OFD1: variants seen among roughly 807,000 people sequenced by gnomAD.
OFD1 encodes centriole and centriolar satellite protein OFD1.
In OFD1, 12 loss-of-function variants were observed where a neutral mutation model predicts 81.4. The ratio of observed to expected loss-of-function variants is 0.15; its 90% CI spans 0.09 to 0.24. The LOEUF is 0.24. Among genes scored for constraint, OFD1 ranks in the 10% least tolerant of loss-of-function variants. OFD1 has a pLI of 1.00. For synonymous variants in OFD1, 256 were observed against 263.7 expected, an observed-to-expected ratio of 0.97 and a Z score of 0.28; for missense variants, 685 against 733.9, an observed-to-expected ratio of 0.93 and a Z score of 0.77.
the OFD1 span, among the ~76,000 whole-genome samples, chrX:13,724,082 G>A: frequency 9.0e-6 from 1 of 111,556 alleles, no homozygotes; most frequent in African/African-American, 3.3e-5. Context: ...AATGCAGGAG[G>A]CCCCCAGAAG....
intron 2 of OFD1, chrX:13,736,255 G>C (rs2046860496): frequency 1.0e-6 from 1 of 1,001,004 alleles, no homozygotes; most frequent in Non-Finnish European, 1.3e-6. Context: ...GCTGGGGAAA[G>C]AAAGCTTTTT....
intron 5 of OFD1, chrX:13,739,384 G>T: frequency 5.2e-6 from 1 of 192,373 alleles, no homozygotes; most frequent in Non-Finnish European, 9.4e-6. Context: ...TAGGGTATTA[G>T]ATGTATTAAT....
chrX:13,740,687 G>A (rs935862292), intron 5 of OFD1, among the ~76,000 whole-genome samples: 9 of 109,187 alleles, frequency 8.2e-5, no homozygotes, highest in Non-Finnish European at 1.7e-4. Flanking sequence ...CAGCTACTTG[G>A]GAGGCTGAGG....
rs2048164977 is a variant in OFD1 at position 13,767,274 on chromosome X, A to G, written c.2747A>G (p.Tyr916Cys). 5 of 1,211,301 alleles carry G rather than the reference A, an allele frequency of 4.1e-6. No homozygotes were observed. Among genetic ancestry groups the G allele is most frequent in the Non-Finnish European group, 4.5e-6 (4 of 894,871 alleles). Residue 916 changes from tyrosine (Y) to cysteine (C), a missense_variant, in exon 20 of 23, where the codon TAT becomes TGT. Tyr to Cys is a radical substitution (Grantham distance 194). This residue lies in a region of OFD1 where 259 missense variants were observed against 254.4 expected (regional missense o/e 1.02). Transcript: ENST00000340096. ...ERERRELEKL[Y>C]QERKMIEESL... ...GAACGAAGAGAACTAGAAAAACTGTATCAGGAAAGGGTAATAAGTATGACT... is the reference window on the plus strand; with the variant it reads ...GAACGAAGAGAACTAGAAAAACTGTGTCAGGAAAGGGTAATAAGTATGACT...
chrX:13,755,985 CT>C (rs1469896472), intron 12 of OFD1, among the ~76,000 whole-genome samples: 2 of 30,948 alleles, frequency 6.5e-5, no homozygotes, highest in Non-Finnish European at 1.1e-4. Flanking sequence ...GAGTCTTGTT[CT>C]TTCGCCCAGG....
At chrX:13,761,837 G>C (rs1257131572) in intron 17 of OFD1, among the ~76,000 whole-genome samples, 1 of 109,153 alleles carries the variant, frequency 9.2e-6, no homozygotes, top group Non-Finnish European at 1.9e-5. Context: ...CTTAGCTCCA[G>C]GCTCGATCTC....
rs779284497 is a variant in OFD1, at chrX:13,751,321, G to T, written c.1008G>T (p.Lys336Asn). 2 of 1,201,174 alleles carry T rather than the reference G, an allele frequency of 1.7e-6. No homozygotes were observed. The highest frequency in any genetic ancestry group is 3.6e-5 in the South Asian group (2 of 56,223). ...EALRRQEQNI[K>N]SFEETYDRKL... ...TTAGGAGACAGGAGCAGAATATAAA[G>T]AGTTTTGAGGAGACCTATGACCGAA... The change falls in exon 10 of 23, where the codon AAG becomes AAT. Residue 336 changes from lysine to asparagine, a missense_variant. Transcript: ENST00000340096.
At chrX:13,747,035 C>G in intron 8 of OFD1, 82 bp downstream of exon 8, 1 of 889,728 alleles carries the variant, frequency 1.1e-6, no homozygotes, top group Non-Finnish European at 1.7e-6. Flanking sequence ...CAGGATGGTA[C>G]AGTTGATGGA....
chrX:13,739,187 T>TA, intron 5 of OFD1, 155 bp downstream of exon 5: 1 of 487,557 alleles, frequency 2.1e-6, no homozygotes. Context: ...TCCATTTTTG[T>TA]AATAACTTTT....
At chrX:13,741,829 G>T (rs1210728091) in intron 5 of OFD1, among the ~76,000 whole-genome samples, 1 of 111,910 alleles carries the variant, frequency 8.9e-6, no homozygotes, top group East Asian at 2.8e-4. Flanking sequence ...AATGTCACAA[G>T]GTCGATTGAT....
intron 19 of OFD1, among the ~76,000 whole-genome samples, chrX:13,764,512 G>C (rs962980752): frequency 9.0e-6 from 1 of 111,616 alleles, no homozygotes; most frequent in Non-Finnish European, 1.9e-5. Flanking sequence ...GAAGAGAGCC[G>C]TGGGAGCTTT....
At chrX:13,736,824 A>G (rs1210417954) in intron 3 of OFD1, 146 bp downstream of exon 3, 3 of 462,421 alleles carry the variant, frequency 6.5e-6, no homozygotes, top group Non-Finnish European at 1.1e-5. Context: ...TGCACATAAT[A>G]TATTTGTTAT....
intron 5 of OFD1, among the ~76,000 whole-genome samples, chrX:13,740,966 G>A (rs1410950892): frequency 2.8e-5 from 3 of 107,661 alleles, no homozygotes; most frequent in African/African-American, 1.0e-4. Context: ...GTGAAACCCC[G>A]TCTCTACTAA....
the OFD1 span, among the ~76,000 whole-genome samples, chrX:13,722,412 C>T: frequency 1.8e-5 from 2 of 110,444 alleles, no homozygotes; most frequent in African/African-American, 3.3e-5. Flanking sequence ...TTACCAACTA[C>T]CCAGCTGCGC....
At chrX:13,717,931 G>A in the OFD1 span, among the ~76,000 whole-genome samples, 21 of 111,752 alleles carry the variant, frequency 1.9e-4, no homozygotes, top group African/African-American at 6.2e-4. Flanking sequence ...CCAATGGACT[G>A]GTGTATTTAG....
upstream of OFD1, among the ~76,000 whole-genome samples, chrX:13,733,254 T>C (rs970180002): frequency 9.0e-6 from 1 of 111,580 alleles, no homozygotes; most frequent in Admixed American, 9.5e-5. Context: ...CTTTGATGCA[T>C]CTCAGCTACA....
At chrX:13,734,244 A>G, upstream of OFD1, 1 of 392,575 alleles carries the variant, frequency 2.5e-6, no homozygotes, top group Non-Finnish European at 4.5e-6. Flanking sequence ...CAGCCTCCCA[A>G]AACAAAGAAT....
chrX:13,736,056 A>G, intron 2 of OFD1: 1 of 576,708 alleles, frequency 1.7e-6, no homozygotes, highest in Non-Finnish European at 2.1e-6. Context: ...TATTTTTGTA[A>G]TGTATATAGC....
chrX:13,746,759 T>C (rs777699070), intron 7 of OFD1, 21 bp from the exon 8 acceptor site: 4 of 1,157,282 alleles, frequency 3.5e-6, no homozygotes, highest in Non-Finnish European at 1.2e-6. Flanking sequence ...GTATTTTTAA[T>C]TTTTTGTGAT....
Sources: allele counts gnomAD v4.1 joint callset (sites outside exome capture counted in the v4.1 genomes callset), GRCh38; gene constraint gnomAD v4.1.1; regional missense constraint gnomAD v4.1.1; transcripts MANE v1.5; gene names NCBI Gene and HGNC (gene_info 2026-07-23, HGNC 2026-07-21).